The following TAS2R1 variants were observed in gnomAD, a reference collection of about 807,000 sequenced individuals.
The protein encoded by TAS2R1 is taste 2 receptor member 1.
For missense variants in TAS2R1, 370 were observed against 353.4 expected (o/e 1.05, Z -0.38); for synonymous variants, 141 against 134.2 (o/e 1.05, Z -0.35).
At chr5:9,893,763 C>T in the TAS2R1 span, among the ~76,000 whole-genome samples, 1 of 151,878 alleles carries the variant, frequency 6.6e-6, no homozygotes, top group Non-Finnish European at 1.5e-5. Flanking sequence ...GCAGAAACAA[C>T]ATAGATTCTT....
At chr5:9,677,265 G>A (rs1479861694) in intron 1 of TAS2R1, among the ~76,000 whole-genome samples, 1 of 152,078 alleles carries the variant, frequency 6.6e-6, no homozygotes, top group Admixed American at 6.6e-5. Flanking sequence ...GAGGGTGAAG[G>A]GTGGGAGGAG....
chr5:9,637,863 C>T (rs1043592834), intron 2 of TAS2R1, among the ~76,000 whole-genome samples: 15 of 152,094 alleles, frequency 9.9e-5, no homozygotes, highest in African/African-American at 3.6e-4. Flanking sequence ...TTTGTCTTCA[C>T]CTTTCTCTGG....
intron 2 of TAS2R1, among the ~76,000 whole-genome samples, chr5:9,639,425 G>T (rs1440656005): frequency 1.3e-5 from 2 of 152,274 alleles, no homozygotes; most frequent in South Asian, 2.1e-4. Context: ...GTGTTCAAAG[G>T]TAGGTTTTCC....
chr5:9,705,079 T>C (rs753879592), intron 1 of TAS2R1, among the ~76,000 whole-genome samples: 64 of 152,216 alleles, frequency 4.2e-4, no homozygotes, highest in Non-Finnish European at 1.3e-4. Context: ...CTGTTTTTAA[T>C]TGAAATAAAT....
chr5:9,667,241 A>G (rs1014874928), intron 1 of TAS2R1, among the ~76,000 whole-genome samples: 1 of 152,192 alleles, frequency 6.6e-6, no homozygotes. Context: ...CCTGTTGTCC[A>G]GGAAAACACC....
chr5:9,849,175 A>G, the TAS2R1 span, among the ~76,000 whole-genome samples: 45 of 152,324 alleles, frequency 3.0e-4, no homozygotes, highest in Middle Eastern at 6.8e-3. Context: ...TCCGAACTGA[A>G]AAGACACATG....
the TAS2R1 span, among the ~76,000 whole-genome samples, chr5:9,735,473 A>T: frequency 3.4e-4 from 51 of 151,652 alleles, no homozygotes; most frequent in Non-Finnish European, 6.3e-4. Context: ...AATAAAATTG[A>T]TAATTTCCCT....
At chr5:9,721,565 C>A in the TAS2R1 span, among the ~76,000 whole-genome samples, 1 of 152,344 alleles carries the variant, frequency 6.6e-6, no homozygotes, top group African/African-American at 2.4e-5. Flanking sequence ...TGCAGCATTG[C>A]TGGACTTTTT....
At chr5:9,633,797 T>TG (rs1739920764), upstream of TAS2R1, among the ~76,000 whole-genome samples, 1 of 151,936 alleles carries the variant, frequency 6.6e-6, no homozygotes, top group Non-Finnish European at 1.5e-5. Flanking sequence ...GATTATTGGT[T>TG]TTTTTTTCTT....
the TAS2R1 span, among the ~76,000 whole-genome samples, chr5:9,803,543 C>G: frequency 1.3e-5 from 2 of 152,326 alleles, no homozygotes; most frequent in African/African-American, 4.8e-5. Context: ...CAGCAGACTT[C>G]TCAGCAGAAA....
the TAS2R1 span, among the ~76,000 whole-genome samples, chr5:9,782,479 G>A: frequency 2.0e-4 from 30 of 152,204 alleles, no homozygotes; most frequent in East Asian, 5.4e-3. Context: ...GGCTGGGGGG[G>A]TCCCACCCAC....
At chr5:9,719,929 A>C in the TAS2R1 span, among the ~76,000 whole-genome samples, 18 of 140,180 alleles carry the variant, frequency 1.3e-4, no homozygotes, top group East Asian at 3.5e-3. Context: ...AAAAAAAAAA[A>C]AAAAAAAAAC....
chr5:9,826,356 T>C, the TAS2R1 span, among the ~76,000 whole-genome samples: 1 of 152,218 alleles, frequency 6.6e-6, no homozygotes, highest in Non-Finnish European at 1.5e-5. Context: ...TGGTATGATA[T>C]GAATTTGACA....
At chr5:9,899,714 G>C in the TAS2R1 span, among the ~76,000 whole-genome samples, 1 of 151,500 alleles carries the variant, frequency 6.6e-6, no homozygotes, top group Admixed American at 6.6e-5. Context: ...TAGACTCTAT[G>C]TAAATAGATA....
intron 1 of TAS2R1, among the ~76,000 whole-genome samples, chr5:9,679,733 G>T (rs956815629): frequency 6.6e-6 from 1 of 152,178 alleles, no homozygotes. Context: ...TAGAGTTAGA[G>T]ACATCAGTGT....
chr5:9,790,747 G>C, the TAS2R1 span, among the ~76,000 whole-genome samples: 2 of 152,178 alleles, frequency 1.3e-5, no homozygotes, highest in Non-Finnish European at 1.5e-5. Context: ...TTCCGCCTCA[G>C]CCTCCTGAGT....
the TAS2R1 span, among the ~76,000 whole-genome samples, chr5:9,833,868 C>A: frequency 6.6e-6 from 1 of 152,178 alleles, no homozygotes; most frequent in Non-Finnish European, 1.5e-5. Flanking sequence ...TGAGTTCCTG[C>A]AAACCAGTCC....
the TAS2R1 span, among the ~76,000 whole-genome samples, chr5:9,778,118 G>T: frequency 1.3e-5 from 2 of 151,734 alleles, no homozygotes; most frequent in East Asian, 1.9e-4. Context: ...CTGACCTCAT[G>T]ATCCACCTGC....
chr5:9,851,521 T>G, the TAS2R1 span, among the ~76,000 whole-genome samples: 3 of 147,636 alleles, frequency 2.0e-5, no homozygotes, highest in Admixed American at 6.8e-5. Flanking sequence ...GGGATTTGTT[T>G]TTTTTTTTTT....
Sources: allele counts gnomAD v4.1 joint callset (sites outside exome capture counted in the v4.1 genomes callset), GRCh38; gene constraint gnomAD v4.1.1; transcripts MANE v1.5; gene names NCBI Gene and HGNC (gene_info 2026-07-23, HGNC 2026-07-21).